ADGRL3: variants seen among roughly 807,000 people sequenced by gnomAD.
The protein encoded by ADGRL3 is adhesion G protein-coupled receptor L3.
In ADGRL3, 62 loss-of-function variants were observed where a neutral mutation model predicts 153.5. The ratio of observed to expected loss-of-function variants is 0.40; its 90% CI spans 0.33 to 0.50. ADGRL3 has a LOEUF of 0.50. Among genes scored for constraint, ADGRL3 ranks in the 20% least tolerant of loss-of-function variants. ADGRL3 has a pLI of 0.47. For synonymous variants in ADGRL3, 710 were observed against 672.5 expected (o/e 1.06, Z -0.86); for missense variants, 1,641 against 1,859.4 (o/e 0.88, Z 2.16).
rs1451508527 is a variant in ADGRL3 at position 61,532,540 on chromosome 4, G to A, written c.259+15022G>A. Among the ~76,000 whole-genome samples, 13 of 55,510 alleles carry A rather than the reference G, an allele frequency of 2.3e-4. No homozygotes were observed. In the East Asian group the frequency reaches 5.0e-3, roughly 21 times the overall value. The allele number at this position is 55,510 out of a possible 152,430, so 36.4% of individuals were successfully genotyped here. On this transcript the variant is annotated intron_variant, in intron 4 of 26. Transcript: ENST00000683033. ...TCTGCAGGATGCTGCATGCGCGCGC[G>A]CGCGCGCGCGCGCGCGTGTGTGTGT... is the stretch of plus-strand genomic sequence containing the variant.
Position 61,895,783 on chromosome 4 carries a change from TC to T in ADGRL3, c.1838del (p.Pro613GlnfsTer14). The T allele has an allele frequency of 6.2e-7, 1 of 1,601,364 alleles. No individual in the cohort carries two copies. Among genetic ancestry groups the T allele is most frequent in the Non-Finnish European group, 8.5e-7 (1 of 1,173,226 alleles). On this transcript the variant is annotated frameshift_variant, in exon 11 of 27. Transcript: ENST00000683033. LOFTEE classifies it high-confidence loss of function. Reference protein sequence around the residue: ...APDGIWDPQGPDLSNCSSPWV... With the variant: ...APDGIWDPQGXDLSNCSSPWV... ...CTGATGGAATTTGGGATCCCCAAGG[TC>T]CAGATCTCAGCAACTGTTCTTCTCC... is the stretch of plus-strand genomic sequence containing the variant.
In ADGRL3 at chr4:62,031,422, A is replaced by T; in HGVS notation, c.3423-20A>T. The T allele has an allele frequency of 6.4e-7, 1 of 1,565,094 alleles. No homozygotes were observed. The highest frequency in any genetic ancestry group is 1.2e-5 in the South Asian group (1 of 84,176). The stretch of plus-strand genomic sequence containing the variant: ...AAGATCAATTATTTAATAACCCTTA[A>T]TTTTCTCTTCTCTCTACAGGTCATG... On this transcript the variant is annotated intron_variant, in intron 22 of 26. Coordinates refer to ENST00000683033, the MANE Select transcript of ADGRL3 (RefSeq NM_001387552.1).
intron 5 of ADGRL3, among the ~76,000 whole-genome samples, chr4:61,606,919 T>C (rs1327287280): frequency 6.6e-6 from 1 of 152,078 alleles, no homozygotes; most frequent in Non-Finnish European, 1.5e-5. Context: ...GGAAACTGAA[T>C]TGAGAGAAAA....
At chr4:61,691,745 T>G (rs1561071097) in intron 6 of ADGRL3, among the ~76,000 whole-genome samples, 1 of 152,204 alleles carries the variant, frequency 6.6e-6, no homozygotes, top group Non-Finnish European at 1.5e-5. Flanking sequence ...TGTATTCTTC[T>G]GATGTAAGCT....
intron 13 of ADGRL3, among the ~76,000 whole-genome samples, chr4:61,927,697 C>CAAA (rs2098800186): frequency 6.6e-6 from 1 of 152,136 alleles, no homozygotes; most frequent in African/African-American, 2.4e-5. Context: ...ACTTCTAACA[C>CAAA]TTGACCTTTA....
At position 61,766,666 on chromosome 4, in the gene ADGRL3, T is replaced by C. The variant is rs904274661; in HGVS notation, c.1399+33112T>C. On this transcript the variant is annotated intron_variant, in intron 8 of 26. Transcript: ENST00000683033. ...AGTAATGGGGGCTGTCTGTGAAGCT[T>C]TGCGGCAGTACAGCCTAGGTAATTT... is the stretch of plus-strand genomic sequence containing the variant. 9.3e-4 allele frequency among the ~76,000 whole-genome samples: 142 copies of C among 152,084 alleles called. 3 individuals carry two copies. The Middle Eastern group carries it at 0.01, about 11-fold the overall frequency.
At chr4:61,847,291 A>G (rs1385782314) in intron 9 of ADGRL3, among the ~76,000 whole-genome samples, 3 of 151,540 alleles carry the variant, frequency 2.0e-5, no homozygotes, top group Non-Finnish European at 4.4e-5. Flanking sequence ...TTCCAAAGTA[A>G]AGGATAAGCA....
intron 4 of ADGRL3, among the ~76,000 whole-genome samples, chr4:61,525,020 T>G (rs2098551496): frequency 6.6e-6 from 1 of 152,084 alleles, no homozygotes; most frequent in Admixed American, 6.6e-5. Flanking sequence ...GTACCCTTTA[T>G]AAGGTTGTTC....
intron 2 of ADGRL3, among the ~76,000 whole-genome samples, chr4:61,477,878 CTT>C (rs1560701057): frequency 6.6e-6 from 1 of 151,882 alleles, no homozygotes; most frequent in African/African-American, 2.4e-5. Flanking sequence ...GTGGAAAAAA[CTT>C]GTCAATTTTT....
At chr4:61,794,650 AC>A (rs1295653079) in intron 8 of ADGRL3, among the ~76,000 whole-genome samples, 2 of 152,210 alleles carry the variant, frequency 1.3e-5, no homozygotes, top group Admixed American at 6.6e-5. Flanking sequence ...GAAAGGAAAG[AC>A]AAGTGATTGT....
chr4:61,343,599 G>C (rs1270609352), intron 1 of ADGRL3, among the ~76,000 whole-genome samples: 1 of 152,054 alleles, frequency 6.6e-6, no homozygotes, highest in Admixed American at 6.6e-5. Context: ...GTTTGGACTA[G>C]GGCATCATAT....
intron 6 of ADGRL3, among the ~76,000 whole-genome samples, chr4:61,681,120 C>G (rs565536234): frequency 2.0e-5 from 3 of 152,156 alleles, no homozygotes; most frequent in Admixed American, 2.0e-4. Flanking sequence ...TTCTTCTCAC[C>G]CTACCTCCTT....
intron 1 of ADGRL3, among the ~76,000 whole-genome samples, chr4:61,306,930 G>A (rs999503776): frequency 3.3e-5 from 5 of 152,158 alleles, no homozygotes; most frequent in African/African-American, 1.2e-4. Context: ...GCTACCATTG[G>A]CAATCTCCTG....
intron 8 of ADGRL3, among the ~76,000 whole-genome samples, chr4:61,799,476 A>G (rs962641417): frequency 6.6e-6 from 1 of 152,006 alleles, no homozygotes; most frequent in Non-Finnish European, 1.5e-5. Flanking sequence ...TAGAGGAAAC[A>G]TTCTTCTATG....
chr4:61,870,856 G>A (rs1415365298), intron 9 of ADGRL3, among the ~76,000 whole-genome samples: 1 of 152,188 alleles, frequency 6.6e-6, no homozygotes, highest in African/African-American at 2.4e-5. Flanking sequence ...ATTATTAAAT[G>A]GTGTAGCTGG....
At chr4:61,652,146 G>C (rs909042238) in intron 5 of ADGRL3, among the ~76,000 whole-genome samples, 1 of 152,040 alleles carries the variant, frequency 6.6e-6, no homozygotes, top group African/African-American at 2.4e-5. Context: ...TCTCTATTTT[G>C]GCAAGCATTC....
chr4:61,342,405 C>G (rs1402043351), intron 1 of ADGRL3, among the ~76,000 whole-genome samples: 11 of 152,114 alleles, frequency 7.2e-5, no homozygotes, highest in Non-Finnish European at 1.6e-4. Context: ...ATGACAACTT[C>G]AGGCTATTTC....
intron 20 of ADGRL3, among the ~76,000 whole-genome samples, chr4:61,996,709 T>C (rs766355770): frequency 3.9e-5 from 6 of 152,150 alleles, no homozygotes; most frequent in Non-Finnish European, 7.4e-5. Flanking sequence ...ATAATTTGAA[T>C]TGGGAACTGA....
chr4:61,560,434 G>A (rs920398853), intron 4 of ADGRL3, among the ~76,000 whole-genome samples: 1 of 152,020 alleles, frequency 6.6e-6, no homozygotes, highest in Non-Finnish European at 1.5e-5. Flanking sequence ...AAGTCACCAG[G>A]AGAATCTAAA....
Sources: gnomAD v4.1 joint callset for allele counts (sites outside exome capture counted in the v4.1 genomes callset) on GRCh38, gnomAD v4.1.1 for gene constraint, MANE v1.5 for transcripts, NCBI Gene and HGNC (gene_info 2026-07-23, HGNC 2026-07-21) for gene names.